The following CTNNA3 variants were observed in gnomAD, a reference collection of about 807,000 sequenced individuals.
CTNNA3 encodes the protein catenin alpha 3, also known as catenin alpha-3.
In CTNNA3, 76 loss-of-function variants were observed where a neutral mutation model predicts 95.7. That is an observed-to-expected ratio of 0.79 (90% confidence interval 0.66 to 0.96). CTNNA3 has a LOEUF of 0.96. Among genes scored for constraint, CTNNA3 ranks in the 40% least tolerant of loss-of-function variants. The pLI, the probability that CTNNA3 is intolerant of heterozygous loss-of-function variation, is 0.00. For synonymous variants in CTNNA3, 431 were observed against 374.4 expected (o/e 1.15, Z -1.74); for missense variants, 1,191 against 1,089.8 (o/e 1.09, Z -1.31).
Position 67,390,449 on chromosome 10 carries a change from T to G in CTNNA3, c.579+131393A>C, listed in dbSNP as rs12768943. ...ACCAAAAAGAGTCCAGGACCAGATG[T>G]ATTCACAGCCGAATTCTACAAGAGG... On this transcript the variant is annotated intron_variant, in intron 5 of 17. Coordinates refer to ENST00000433211, the MANE Select transcript of CTNNA3 (RefSeq NM_013266.4). 5.9e-5 allele frequency among the ~76,000 whole-genome samples: 9 copies of G among 152,214 alleles called. No homozygotes were observed. The South Asian group carries it at 6.2e-4, about 11-fold the overall frequency.
At chr10:67,465,848 C>T (rs900820137) in intron 5 of CTNNA3, among the ~76,000 whole-genome samples, 2 of 152,080 alleles carry the variant, frequency 1.3e-5, no homozygotes, top group African/African-American at 4.8e-5. Flanking sequence ...TTATTTTCCC[C>T]CACATCGAAA....
chr10:66,016,585 T>C (rs2079100443), intron 15 of CTNNA3, among the ~76,000 whole-genome samples: 1 of 152,200 alleles, frequency 6.6e-6, no homozygotes, highest in African/African-American at 2.4e-5. Context: ...CCCACTTGGA[T>C]TACTGTCTAA....
At chr10:66,434,842 T>G (rs376362413) in intron 11 of CTNNA3, among the ~76,000 whole-genome samples, 2 of 152,104 alleles carry the variant, frequency 1.3e-5, no homozygotes, top group African/African-American at 2.4e-5. Flanking sequence ...TTATTGAGAG[T>G]TTTTAGCATG....
At chr10:67,255,335 T>A (rs1866303258) in intron 5 of CTNNA3, among the ~76,000 whole-genome samples, 1 of 151,536 alleles carries the variant, frequency 6.6e-6, no homozygotes, top group African/African-American at 2.4e-5. Context: ...TTAATTAATT[T>A]AAAAAACTAC....
intron 5 of CTNNA3, among the ~76,000 whole-genome samples, chr10:67,220,283 A>G (rs1864592035): frequency 6.6e-6 from 1 of 152,252 alleles, no homozygotes; most frequent in Non-Finnish European, 1.5e-5. Context: ...AAATTAGACC[A>G]ATTGAGTTAA....
rs34040723 is a variant in CTNNA3, at chr10:66,499,806, C to CTTTTTTTTT, written c.1531+20802_1531+20810dup. 7.9e-3 allele frequency among the ~76,000 whole-genome samples: 1,115 copies of CTTTTTTTTT among 140,572 alleles called. 14 individuals carry two copies. The highest frequency in any genetic ancestry group is 0.029 in the African/African-American group (1,077 of 37,688). 92.2% of individuals were successfully genotyped at this position (140,572 alleles called of 152,430 possible). A position where few individuals can be genotyped will look rare whatever the true frequency, so the allele number is the denominator to read the frequency against. ...TTCCACACATTAACAGTTGCATTTC[C>CTTTTTTTTT]TTTTTTTTTTTTTTTTAACAGAGTA... On this transcript the variant is annotated intron_variant, in intron 11 of 17. Coordinates refer to ENST00000433211, the MANE Select transcript of CTNNA3 (RefSeq NM_013266.4).
intron 7 of CTNNA3, among the ~76,000 whole-genome samples, chr10:66,891,297 A>C (rs1280497288): frequency 1.3e-5 from 2 of 152,230 alleles, no homozygotes; most frequent in African/African-American, 4.8e-5. Context: ...AATTGAAAGA[A>C]ATGCAGGTTA....
intron 7 of CTNNA3, among the ~76,000 whole-genome samples, chr10:66,813,615 G>C (rs1007594146): frequency 1.3e-5 from 2 of 152,110 alleles, no homozygotes; most frequent in Non-Finnish European, 2.9e-5. Context: ...TTAATTAAAA[G>C]TTAATTATGT....
chr10:67,425,807 G>A (rs1251595132), intron 5 of CTNNA3, among the ~76,000 whole-genome samples: 2 of 152,064 alleles, frequency 1.3e-5, no homozygotes, highest in African/African-American at 4.8e-5. Flanking sequence ...ATGGAGAGAG[G>A]TGTTATGACC....
intron 5 of CTNNA3, among the ~76,000 whole-genome samples, chr10:67,388,750 A>G (rs1844314041): frequency 6.6e-6 from 1 of 152,196 alleles, no homozygotes; most frequent in African/African-American, 2.4e-5. Flanking sequence ...AGTGAGGGCC[A>G]ATATTCAACA....
At chr10:66,587,134 G>A (rs893215738) in intron 10 of CTNNA3, among the ~76,000 whole-genome samples, 3 of 152,270 alleles carry the variant, frequency 2.0e-5, no homozygotes, top group Non-Finnish European at 4.4e-5. Context: ...TAGCTTTAGT[G>A]TTTTGGTTTT....
At chr10:66,439,608 G>A (rs1320212836) in intron 11 of CTNNA3, among the ~76,000 whole-genome samples, 1 of 152,120 alleles carries the variant, frequency 6.6e-6, no homozygotes, top group Non-Finnish European at 1.5e-5. Flanking sequence ...TACATAGCAT[G>A]TATGTTACAC....
chr10:66,171,606 C>T (rs1208180320), intron 13 of CTNNA3, among the ~76,000 whole-genome samples: 1 of 151,790 alleles, frequency 6.6e-6, no homozygotes, highest in Non-Finnish European at 1.5e-5. Context: ...ATCTATGGAC[C>T]TTAAGCATGT....
At chr10:66,091,551 A>G (rs2081212356) in intron 14 of CTNNA3, among the ~76,000 whole-genome samples, 1 of 152,046 alleles carries the variant, frequency 6.6e-6, no homozygotes, top group African/African-American at 2.4e-5. Flanking sequence ...GAACATTAAA[A>G]CTGTTGCCTT....
At chr10:67,393,497 G>A (rs1844593842) in intron 5 of CTNNA3, among the ~76,000 whole-genome samples, 1 of 152,078 alleles carries the variant, frequency 6.6e-6, no homozygotes, top group Non-Finnish European at 1.5e-5. Flanking sequence ...ATCGCTTACA[G>A]TCCAAATGTA....
At chr10:65,997,429 G>A (rs975679535) in intron 15 of CTNNA3, among the ~76,000 whole-genome samples, 1 of 152,268 alleles carries the variant, frequency 6.6e-6, no homozygotes, top group African/African-American at 2.4e-5. Flanking sequence ...TTAGCCAACA[G>A]AATACTACAG....
chr10:67,047,529 T>C (rs967489037), intron 7 of CTNNA3, among the ~76,000 whole-genome samples: 3 of 152,158 alleles, frequency 2.0e-5, no homozygotes, highest in Non-Finnish European at 2.9e-5. Flanking sequence ...CAGAAACATG[T>C]GTGCTTCTTG....
chr10:66,971,414 G>A (rs990832041), intron 7 of CTNNA3, among the ~76,000 whole-genome samples: 3 of 95,136 alleles, frequency 3.2e-5, no homozygotes, highest in Non-Finnish European at 4.6e-5. Context: ...GCAACAGAGA[G>A]AGACTCCGTC....
chr10:65,953,421 A>T (rs1285951543), intron 17 of CTNNA3, among the ~76,000 whole-genome samples: 6 of 151,714 alleles, frequency 4.0e-5, no homozygotes, highest in African/African-American at 1.5e-4. Context: ...GTTCTAGGAT[A>T]CATGTGCACA....
Sources: gnomAD v4.1 joint callset for allele counts (sites outside exome capture counted in the v4.1 genomes callset) on GRCh38, gnomAD v4.1.1 for gene constraint, MANE v1.5 for transcripts, NCBI Gene and HGNC (gene_info 2026-07-23, HGNC 2026-07-21) for gene names.